The following DLC1 variants were observed in gnomAD, a reference collection of about 807,000 sequenced individuals.
The protein encoded by DLC1 is DLC1 Rho GTPase activating protein.
A neutral mutation model predicts 140.3 loss-of-function variants in DLC1; 54 were observed. The observed-to-expected ratio is 0.38, with a 90% CI of 0.31 to 0.48. The LOEUF is 0.48. DLC1 is among the 20% of genes least tolerant of loss of function. The pLI, the probability that DLC1 is intolerant of heterozygous loss-of-function variation, is 0.96. For synonymous variants in DLC1, 986 were observed against 728.1 expected (o/e 1.35, Z -5.70); for missense variants, 2,536 against 1,907.0 (o/e 1.33, Z -6.14).
intron 2 of DLC1, among the ~76,000 whole-genome samples, chr8:13,423,283 T>A (rs192927457): frequency 3.9e-4 from 60 of 152,304 alleles, no homozygotes; most frequent in African/African-American, 1.4e-3. Flanking sequence ...AAAAATAAAA[T>A]GAACATTTTC....
chr8:13,136,370 T>C (rs1430298809), intron 5 of DLC1, among the ~76,000 whole-genome samples: 2 of 152,148 alleles, frequency 1.3e-5, no homozygotes, highest in Non-Finnish European at 2.9e-5. Context: ...GTGTGTCTTG[T>C]TGCCATCTTT....
intron 5 of DLC1, among the ~76,000 whole-genome samples, chr8:13,269,259 T>C (rs1252219846): frequency 6.6e-6 from 1 of 152,126 alleles, no homozygotes; most frequent in Non-Finnish European, 1.5e-5. Context: ...AGTTTGACAA[T>C]TATGGGGCTG....
intron 2 of DLC1, among the ~76,000 whole-genome samples, chr8:13,430,790 A>G (rs1027572497): frequency 2.0e-5 from 3 of 152,214 alleles, no homozygotes; most frequent in Non-Finnish European, 4.4e-5. Flanking sequence ...AAATCACAGA[A>G]TTTTACAAAC....
chr8:13,433,054 A>G (rs1838958393), intron 2 of DLC1, among the ~76,000 whole-genome samples: 1 of 150,346 alleles, frequency 6.7e-6, no homozygotes, highest in African/African-American at 2.4e-5. Context: ...TAGCACAGAC[A>G]TTTGGAAAGA....
intron 6 of DLC1, 138 bp downstream of exon 6, chr8:13,115,448 T>C (rs972157819): frequency 2.4e-6 from 2 of 824,682 alleles, no homozygotes; most frequent in East Asian, 5.8e-5. Flanking sequence ...GGTGGGGGTC[T>C]TGCATGCTTA....
intron 1 of DLC1, among the ~76,000 whole-genome samples, chr8:13,560,543 G>A (rs190345976): frequency 5.9e-5 from 9 of 152,130 alleles, no homozygotes; most frequent in African/African-American, 9.6e-5. Context: ...ACTAAAAGTC[G>A]ACCCCAAAAG....
chr8:13,432,051 A>G (rs1467743520), intron 2 of DLC1, among the ~76,000 whole-genome samples: 1 of 152,228 alleles, frequency 6.6e-6, no homozygotes, highest in African/African-American at 2.4e-5. Flanking sequence ...GTTGAAAAGA[A>G]GAAAATATCT....
At chr8:13,285,653 G>C (rs551914615) in intron 5 of DLC1, among the ~76,000 whole-genome samples, 2 of 152,128 alleles carry the variant, frequency 1.3e-5, no homozygotes, top group African/African-American at 4.8e-5. Context: ...ACCATACTAA[G>C]TGTTGGAGAG....
chr8:13,445,896 C>A (rs1798753028), intron 2 of DLC1, among the ~76,000 whole-genome samples: 1 of 151,936 alleles, frequency 6.6e-6, no homozygotes, highest in Non-Finnish European at 1.5e-5. Context: ...ATTTTAGACC[C>A]TTGGGCCCAA....
chr8:13,478,212 G>A (rs544115914), intron 2 of DLC1, among the ~76,000 whole-genome samples: 5 of 152,072 alleles, frequency 3.3e-5, no homozygotes, highest in Non-Finnish European at 7.4e-5. Context: ...GAAAGTGAAG[G>A]GGGAGCAGGC....
chr8:13,164,258 T>C (rs1399385916), intron 5 of DLC1, among the ~76,000 whole-genome samples: 1 of 151,470 alleles, frequency 6.6e-6, no homozygotes, highest in Non-Finnish European at 1.5e-5. Flanking sequence ...GATCAAGCCA[T>C]TGCACTCAAA....
chr8:13,468,575 A>G (rs927558028), intron 2 of DLC1, among the ~76,000 whole-genome samples: 4 of 151,278 alleles, frequency 2.6e-5, no homozygotes, highest in Admixed American at 2.0e-4. Flanking sequence ...GGGTATTACT[A>G]TGTTGCCCAG....
chr8:13,528,264 A>T (rs935379930), intron 1 of DLC1, among the ~76,000 whole-genome samples: 4 of 152,162 alleles, frequency 2.6e-5, no homozygotes, highest in African/African-American at 7.2e-5. Context: ...ATCATCTTGG[A>T]TAAAACAATA....
intron 4 of DLC1, among the ~76,000 whole-genome samples, chr8:13,372,530 T>C (rs1835773532): frequency 6.6e-6 from 1 of 152,298 alleles, no homozygotes; most frequent in Non-Finnish European, 1.5e-5. Context: ...AAATCCTTCC[T>C]TTAAGTGTTT....
intron 3 of DLC1, among the ~76,000 whole-genome samples, chr8:13,397,695 G>A (rs537668858): frequency 6.6e-6 from 1 of 152,052 alleles, no homozygotes; most frequent in Admixed American, 6.5e-5. Context: ...AATTAGCCAG[G>A]CATGGTAATG....
chr8:13,362,317 T>C (rs921273934), intron 4 of DLC1, among the ~76,000 whole-genome samples: 1 of 152,122 alleles, frequency 6.6e-6, no homozygotes, highest in Admixed American at 6.6e-5. Context: ...GGGGACATCA[T>C]AGAGTCTGGC....
intron 5 of DLC1, among the ~76,000 whole-genome samples, chr8:13,185,840 T>C (rs1826340076): frequency 6.6e-6 from 1 of 152,182 alleles, no homozygotes; most frequent in Non-Finnish European, 1.5e-5. Context: ...AAGGCAGGCC[T>C]GGTGGTGACA....
At position 13,387,459 on chromosome 8, in the gene DLC1, C is replaced by CT. The variant is rs1836573382; in HGVS notation, c.1314+6093dup. 2.0e-5 allele frequency among the ~76,000 whole-genome samples: 3 copies of CT among 151,496 alleles called. No homozygotes were observed. The South Asian group carries it at 6.3e-4, about 32-fold the overall frequency. On this transcript the variant is annotated intron_variant, in intron 4 of 17. Coordinates refer to ENST00000276297, the MANE Select transcript of DLC1 (RefSeq NM_182643.3). ...CCTTTAAATTTAATTTTAAATGATA[C>CT]TTTAAAATGATGTGAAAGGTAGAAT...
At chr8:13,457,082 T>C (rs1799422930) in intron 2 of DLC1, among the ~76,000 whole-genome samples, 1 of 152,208 alleles carries the variant, frequency 6.6e-6, no homozygotes, top group South Asian at 2.1e-4. Context: ...TCTATTTCCC[T>C]GGGTCGGCCT....
Sources: allele counts gnomAD v4.1 joint callset (sites outside exome capture counted in the v4.1 genomes callset), GRCh38; gene constraint gnomAD v4.1.1; transcripts MANE v1.5; gene names NCBI Gene and HGNC (gene_info 2026-07-23, HGNC 2026-07-21).